Variants in FAM90A20 observed in about 807,000 individuals in gnomAD.
FAM90A20 encodes the protein family with sequence similarity 90 member A20.
At chr8:7,297,530 T>G in the FAM90A20 span, 1 of 1,514,716 alleles carries the variant, frequency 6.6e-7, no homozygotes, top group Non-Finnish European at 8.9e-7. Flanking sequence ...GATTCAGGCT[T>G]GCCTGAACTT....
chr8:7,296,344 G>C, the FAM90A20 span: 1 of 744,758 alleles, frequency 1.3e-6, no homozygotes, highest in Non-Finnish European at 2.4e-6. Context: ...GAAACCTCCA[G>C]AGAAGCCGCT....
the FAM90A20 span, chr8:7,296,429 A>T: frequency 5.5e-6 from 4 of 723,022 alleles, 2 homozygotes; most frequent in African/African-American, 1.0e-4. Context: ...TGGTCCTTTT[A>T]TCCTCTAGGT....
chr8:7,297,221 G>C, the FAM90A20 span: 12 of 1,523,672 alleles, frequency 7.9e-6, 1 homozygote, highest in Non-Finnish European at 1.1e-5. Flanking sequence ...CTCAAGTCTT[G>C]GACCAAAGGA....
the FAM90A20 span, chr8:7,297,113 G>T: frequency 6.6e-7 from 1 of 1,506,626 alleles, no homozygotes; most frequent in South Asian, 1.1e-5. Context: ...GCCGCGCATG[G>T]ACCCTGTCCT....
the FAM90A20 span, among the ~76,000 whole-genome samples, chr8:7,296,842 G>T: frequency 1.5e-5 from 2 of 136,530 alleles, no homozygotes; most frequent in African/African-American, 7.0e-5. Flanking sequence ...TTTGAACAAT[G>T]GTGTGCTTAG....
At chr8:7,296,447 G>A in the FAM90A20 span, 2 of 709,406 alleles carry the variant, frequency 2.8e-6, 1 homozygote, top group Non-Finnish European at 5.2e-6. Flanking sequence ...GGTAACCCTG[G>A]TTGATTTCCT....
the FAM90A20 span, chr8:7,297,401 G>A: frequency 9.7e-6 from 15 of 1,539,728 alleles, 2 homozygotes; most frequent in African/African-American, 9.7e-5. Flanking sequence ...CAGAACCCAG[G>A]CACAAGACAA....
the FAM90A20 span, among the ~76,000 whole-genome samples, chr8:7,295,461 C>G: frequency 3.7e-5 from 4 of 109,248 alleles, no homozygotes; most frequent in African/African-American, 6.4e-5. Flanking sequence ...ACGGGCTTTG[C>G]GAGGGAACAT....
At chr8:7,297,032 T>G in the FAM90A20 span, 131 of 1,462,794 alleles carry the variant, frequency 9.0e-5, 13 homozygotes, top group South Asian at 1.1e-3. Context: ...GCTGAGGAAC[T>G]TCTAACCTGT....
chr8:7,296,517 C>T, the FAM90A20 span: 2 of 638,142 alleles, frequency 3.1e-6, no homozygotes, highest in African/African-American at 2.7e-5. Flanking sequence ...TTCTTGGGGT[C>T]AGGGCCTCCA....
the FAM90A20 span, chr8:7,297,290 G>A: frequency 7.4e-7 from 1 of 1,352,442 alleles, no homozygotes; most frequent in East Asian, 2.3e-5. Context: ...CCAGGTCCAC[G>A]AGACTCTCCT....
At chr8:7,295,452 CG>C in the FAM90A20 span, among the ~76,000 whole-genome samples, 1 of 99,396 alleles carries the variant, frequency 1.0e-5, no homozygotes, top group Non-Finnish European at 1.9e-5. Context: ...CTCCGTCACA[CG>C]GGCTTTGCGA....
the FAM90A20 span, among the ~76,000 whole-genome samples, chr8:7,296,773 C>G: frequency 7.3e-6 from 1 of 136,106 alleles, no homozygotes; most frequent in Non-Finnish European, 1.5e-5. Flanking sequence ...TAGTCCGTTC[C>G]ACTTCATGGA....
chr8:7,296,576 C>G, the FAM90A20 span, among the ~76,000 whole-genome samples: 1 of 135,540 alleles, frequency 7.4e-6, no homozygotes, highest in Non-Finnish European at 1.5e-5. Context: ...CTGAAGATGC[C>G]GTATTTCCTG....
the FAM90A20 span, chr8:7,297,026 A>T: frequency 6.9e-7 from 1 of 1,452,740 alleles, no homozygotes; most frequent in African/African-American, 2.0e-5. Flanking sequence ...CTCCATGCTG[A>T]GGAACTTCTA....
At chr8:7,295,566 T>G in the FAM90A20 span, 3 of 673,086 alleles carry the variant, frequency 4.5e-6, no homozygotes, top group South Asian at 4.4e-5. Context: ...CATCCCAATG[T>G]TAACGTGGGA....
At chr8:7,295,824 G>T in the FAM90A20 span, 4 of 918,934 alleles carry the variant, frequency 4.4e-6, no homozygotes, top group South Asian at 3.9e-5. Flanking sequence ...AAGGAAGAGA[G>T]ACCAAGGTGA....
chr8:7,297,335 A>T, the FAM90A20 span: 5 of 1,364,202 alleles, frequency 3.7e-6, no homozygotes, highest in Non-Finnish European at 5.1e-6. Flanking sequence ...CCCTGAGGGT[A>T]GCTGCCGAGA....
chr8:7,297,597 G>T, the FAM90A20 span: 3 of 1,482,176 alleles, frequency 2.0e-6, no homozygotes, highest in Non-Finnish European at 2.7e-6. Flanking sequence ...ATCCAGGGAG[G>T]TGAGCTGGGG....
Sources: gnomAD v4.1 joint callset for allele counts (sites outside exome capture counted in the v4.1 genomes callset) on GRCh38, gnomAD v4.1.1 for gene constraint, MANE v1.5 for transcripts, NCBI Gene and HGNC (gene_info 2026-07-23, HGNC 2026-07-21) for gene names.